CHST2: variants seen among roughly 807,000 people sequenced by gnomAD.
CHST2 encodes carbohydrate sulfotransferase 2.
A neutral mutation model predicts 34.6 loss-of-function variants in CHST2; 23 were observed. The observed-to-expected ratio is 0.67, with a 90% confidence interval of 0.48 to 0.94. The LOEUF is 0.94. Ranked by LOEUF, CHST2 falls within the 40% of genes least tolerant of loss-of-function variation. The probability of loss-of-function intolerance (pLI) is 0.00; values close to 1 mark genes in which losing one functional copy is unlikely to be tolerated. For missense variants in CHST2, 720 were observed against 759.5 expected, an observed-to-expected ratio of 0.95 and a Z score of 0.61; for synonymous variants, 392 against 343.1, an observed-to-expected ratio of 1.14 and a Z score of -1.58.
Position 143,120,371 on chromosome 3 carries a change from G to T in CHST2, c.-344G>T, listed in dbSNP as rs72551381. ...AGTTTTTCTTCCCGAGCCGCAGGGC[G>T]CCCGCTGCCCGGAAACTGCCCAGGG... On this transcript the variant is annotated 5_prime_UTR_variant, in exon 1 of 2. Transcript: ENST00000309575. The surrounding 1 kb of genome is among the most constrained non-coding windows in gnomAD (Gnocchi z 4.1). 903 of 153,502 alleles carry T rather than the reference G, an allele frequency of 5.9e-3. 8 individuals are homozygous for T. Among genetic ancestry groups the T allele is most frequent in the African/African-American group, 0.021 (870 of 41,642 alleles). The allele number at this position is 153,502 out of a possible 1,614,324, so 9.5% of individuals were successfully genotyped here. A position where few individuals can be genotyped will look rare whatever the true frequency, so the allele number is the denominator to read the frequency against.
rs1051738645 is a variant in CHST2 at position 143,122,442 on chromosome 3, T to C, written c.*33T>C. 3 of 1,515,958 alleles carry C rather than the reference T, an allele frequency of 2.0e-6. No homozygotes were observed. The highest frequency in any genetic ancestry group is 2.6e-6 in the Non-Finnish European group (3 of 1,134,238). 93.9% of individuals were successfully genotyped at this position (1,515,958 alleles called of 1,614,324 possible). A position where few individuals can be genotyped will look rare whatever the true frequency, so the allele number is the denominator to read the frequency against. On this transcript the variant is annotated 3_prime_UTR_variant, in exon 2 of 2. Coordinates refer to ENST00000309575, the MANE Select transcript of CHST2 (RefSeq NM_004267.5). ...TCCCAGGAGACCTGATTCCCTGTGG[T>C]GATACCTATAAAGAGGATCGTAGTG...
At position 143,120,898 on chromosome 3, in the gene CHST2, G is replaced by T. The variant is rs1382022806; in HGVS notation, c.82G>T (p.Ala28Ser). The change falls in exon 2 of 2, where the codon GCC (alanine) becomes TCC (serine). Residue 28 changes from alanine (A) to serine (S), a missense_variant. Physicochemically the swap from Ala to Ser is moderately conservative, Grantham distance 99 (BLOSUM62 1). Coordinates refer to ENST00000309575, the MANE Select transcript of CHST2 (RefSeq NM_004267.5). This position sits in a 1 kb window ranked among gnomAD's most constrained non-coding sequence, Gnocchi z 4.1. ...GGCTGCGCCTGCAGCCGCGCCGCGT[G>T]CCCTGCTCCCGCAGTGGCCCCGGCG... ...LQAAPAAAPR[A>S]LLPQWPRRPG... 3 of 1,496,252 alleles carry T rather than the reference G, an allele frequency of 2.0e-6. No homozygotes were observed. Among genetic ancestry groups the T allele is most frequent in the Admixed American group, 4.6e-5 (2 of 43,700 alleles). 92.7% of individuals were successfully genotyped at this position (1,496,252 alleles called of 1,614,324 possible).
chr3:143,121,968 C>G lies in CHST2; in HGVS notation c.1152C>G (p.Gly384=), dbSNP rs114086358. 1,938 of 1,587,156 alleles carry G rather than the reference C, an allele frequency of 1.2e-3. 29 individuals are homozygous for G. In the African/African-American group the frequency reaches 0.022, roughly 18 times the overall value. ...TTGGCGCCAAGAAGGAGGGCGTGGG[C>G]GGCCCCGCAGACTACCACGCTCTGG... The part of the protein sequence containing the change: ...HKLGAKKEGV[G]GPADYHALGA... The change falls in exon 2 of 2, where the codon GGC becomes GGG. Residue 384 remains glycine, a synonymous_variant. Transcript: ENST00000309575.
chr3:143,121,332 G>T lies in CHST2; in HGVS notation c.516G>T (p.Thr172=), dbSNP rs767812869. ...GGCAGCTGGTGTACGTGTTCACCAC[G>T]TGGCGCTCTGGCTCGTCGTTCTTCG... ...DKRQLVYVFT[T]WRSGSSFFGE... Residue 172 remains threonine, a synonymous_variant, in exon 2 of 2, where the codon ACG becomes ACT. Transcript: ENST00000309575. 6.2e-7 allele frequency: 1 copy of T among 1,613,518 alleles called. No individual in the cohort carries two copies. Among genetic ancestry groups the T allele is most frequent in the Non-Finnish European group, 8.5e-7 (1 of 1,180,000 alleles).
Position 143,122,068 on chromosome 3 carries a change from G to A in CHST2, c.1252G>A (p.Gly418Ser). The A allele has an allele frequency of 2.5e-6, 4 of 1,614,118 alleles. No homozygotes were observed. The highest frequency in any genetic ancestry group is 3.4e-6 in the Non-Finnish European group (4 of 1,180,008). ...CCTGCAGCCCCCTGACTGGCTGCAG[G>A]GCCACTACCTGGTGGTGCGGTACGA... ...TALQPPDWLQGHYLVVRYEDL... is the reference protein window; with the variant it reads ...TALQPPDWLQSHYLVVRYEDL... Residue 418 changes from glycine (G) to serine (S), a missense_variant, in exon 2 of 2, where the codon GGC becomes AGC. Around this residue, in one of 4 missense-constraint regions of CHST2, gnomAD observed 224 missense variants for 227.8 expected, o/e 0.98. Coordinates refer to ENST00000309575, the MANE Select transcript of CHST2 (RefSeq NM_004267.5).
chr3:143,120,667 G>A lies in CHST2; in HGVS notation c.-150G>A, dbSNP rs1432384310. 2 of 655,446 alleles carry A rather than the reference G, an allele frequency of 3.1e-6. No homozygotes were observed. Among genetic ancestry groups the A allele is most frequent in the Non-Finnish European group, 4.1e-6 (2 of 483,182 alleles). The allele number at this position is 655,446 out of a possible 1,614,324, so 40.6% of individuals were successfully genotyped here. ...AGGTCCTACCCGGAGCCGCTGCCAT[G>A]GGAGAGCCAGCCTTGGGCGCTGGGG... On this transcript the variant is annotated 5_prime_UTR_variant, in exon 2 of 2. The change abolishes an upstream ATG in the 5' untranslated region. Transcript: ENST00000309575. The surrounding 1 kb of genome is among the most constrained non-coding windows in gnomAD (Gnocchi z 4.1).
chr3:143,121,215 C>T lies in CHST2; in HGVS notation c.399C>T (p.Val133=), dbSNP rs768853251. 3.8e-6 allele frequency: 6 copies of T among 1,569,994 alleles called. No individual in the cohort carries two copies. The highest frequency in any genetic ancestry group is 5.2e-6 in the Non-Finnish European group (6 of 1,162,404). The change falls in exon 2 of 2, where the codon GTC becomes GTT. Residue 133 remains valine, a synonymous_variant. Transcript: ENST00000309575. ...RTPYRPPAAA[V]GAAPAAAAGM... The stretch of plus-strand genomic sequence containing the variant: ...CTTACCGCCCTCCCGCTGCCGCCGT[C>T]GGGGCGGCTCCTGCAGCCGCGGCAG...
At position 143,121,044 on chromosome 3, in the gene CHST2, C is replaced by CA; in HGVS notation, c.230dup (p.Trp78ValfsTer158). The CA allele has an allele frequency of 6.6e-7, 1 of 1,524,954 alleles. No homozygotes were observed. The highest frequency in any genetic ancestry group is 8.8e-7 in the Non-Finnish European group (1 of 1,137,310). The allele number at this position is 1,524,954 out of a possible 1,614,324, so 94.5% of individuals were successfully genotyped here. A position where few individuals can be genotyped will look rare whatever the true frequency, so the allele number is the denominator to read the frequency against. The stretch of plus-strand genomic sequence containing the variant: ...TCACTATGCTCAACCTCCTGGACTA[C>CA]AAGTGGCACAAGGAGCCGCTGCAGC... On this transcript the variant is annotated frameshift_variant, in exon 2 of 2. Transcript: ENST00000309575. LOFTEE classifies it high-confidence loss of function.
Position 143,119,835 on chromosome 3 carries a change from C to T in CHST2, c.-880C>T, listed in dbSNP as rs1372165218. 6.7e-6 allele frequency: 1 copy of T among 149,826 alleles called. No individual in the cohort carries two copies. Among genetic ancestry groups the T allele is most frequent in the Non-Finnish European group, 1.5e-5 (1 of 67,602 alleles). 9.3% of individuals were successfully genotyped at this position (149,826 alleles called of 1,614,324 possible). On this transcript the variant is annotated 5_prime_UTR_variant, in exon 1 of 2. Transcript: ENST00000309575. ...AGGGGAGTCGGGTAGCAGCATCCTC[C>T]TGGGCGCCGCTTTCGCGCGGCGGCG...
Position 143,122,445 on chromosome 3 carries a change from TACCTATAA to T in CHST2, c.*38_*45del. ...CAGGAGACCTGATTCCCTGTGGTGA[TACCTATAA>T]AGAGGATCGTAGTGTGTTTAAATAA... On this transcript the variant is annotated 3_prime_UTR_variant, in exon 2 of 2. Coordinates refer to ENST00000309575, the MANE Select transcript of CHST2 (RefSeq NM_004267.5). The T allele has an allele frequency of 6.6e-7, 1 of 1,510,560 alleles. No individual in the cohort carries two copies. The highest frequency in any genetic ancestry group is 1.3e-5 in the South Asian group (1 of 75,436). 93.6% of individuals were successfully genotyped at this position (1,510,560 alleles called of 1,614,324 possible).
In CHST2 at chr3:143,120,855, G is replaced by C; in HGVS notation, c.39G>C (p.Ala13=). 4 of 1,346,616 alleles carry C rather than the reference G, an allele frequency of 3.0e-6. No homozygotes were observed. Among genetic ancestry groups the C allele is most frequent in the Non-Finnish European group, 2.8e-6 (3 of 1,057,082 alleles). The allele number at this position is 1,346,616 out of a possible 1,614,324, so 83.4% of individuals were successfully genotyped here. ...CGCAGCGAGCTCTGCCCCCGGGCGC[G>C]CTCCCTCGGCTGCTCCAGGCTGCGC... ...RSPQRALPPG[A]LPRLLQAAPA... Residue 13 remains alanine (A), a synonymous_variant, in exon 2 of 2, where the codon GCG becomes GCC. Transcript: ENST00000309575. This position sits in a 1 kb window ranked among gnomAD's most constrained non-coding sequence, Gnocchi z 4.1.
In CHST2 at chr3:143,122,261, C is replaced by G. The variant is rs1219204477; in HGVS notation, c.1445C>G (p.Ala482Gly). The G allele has an allele frequency of 6.2e-7, 1 of 1,614,032 alleles. No individual in the cohort carries two copies. Residue 482 changes from alanine to glycine, a missense_variant, in exon 2 of 2, where the codon GCC becomes GGC. Around this residue, in one of 4 missense-constraint regions of CHST2, gnomAD observed 224 missense variants for 227.8 expected, o/e 0.98. Coordinates refer to ENST00000309575, the MANE Select transcript of CHST2 (RefSeq NM_004267.5). ...SARNATQAANAWRTALTFQQI... is the reference protein window; with the variant it reads ...SARNATQAANGWRTALTFQQI... ...CGCAATGCCACGCAGGCCGCCAATG[C>G]CTGGCGGACCGCCCTCACCTTCCAG...
chr3:143,122,244 C>G lies in CHST2; in HGVS notation c.1428C>G (p.Ala476=). 1 of 1,614,140 alleles carries G rather than the reference C, an allele frequency of 6.2e-7. No individual in the cohort carries two copies. Among genetic ancestry groups the G allele is most frequent in the South Asian group, 1.1e-5 (1 of 91,088 alleles). The change falls in exon 2 of 2, where the codon GCC becomes GCG. Residue 476 remains alanine (A), a synonymous_variant. Coordinates refer to ENST00000309575, the MANE Select transcript of CHST2 (RefSeq NM_004267.5). ...CTTTCGTGGTATCTGCACGCAATGC[C>G]ACGCAGGCCGCCAATGCCTGGCGGA... is the stretch of plus-strand genomic sequence containing the variant. ...SKPFVVSARN[A]TQAANAWRTA...
In CHST2 at chr3:143,122,272, G is replaced by A. The variant is rs1936237150; in HGVS notation, c.1456G>A (p.Ala486Thr). The A allele has an allele frequency of 6.2e-7, 1 of 1,613,944 alleles. No homozygotes were observed. Among genetic ancestry groups the A allele is most frequent in the East Asian group, 2.2e-5 (1 of 44,888 alleles). ...ATQAANAWRT[A>T]LTFQQIKQVE... ...GCAGGCCGCCAATGCCTGGCGGACC[G>A]CCCTCACCTTCCAGCAGATCAAACA... The change falls in exon 2 of 2, where the codon GCC (alanine) becomes ACC (threonine). Residue 486 changes from alanine to threonine, a missense_variant. This residue lies in a region of CHST2 where 224 missense variants were observed against 227.8 expected (regional missense o/e 0.98). Coordinates refer to ENST00000309575, the MANE Select transcript of CHST2 (RefSeq NM_004267.5).
In CHST2 at chr3:143,121,884, G is replaced by T; in HGVS notation, c.1068G>T (p.Val356=). The T allele has an allele frequency of 6.3e-7, 1 of 1,578,118 alleles. No individual in the cohort carries two copies. The highest frequency in any genetic ancestry group is 1.2e-5 in the South Asian group (1 of 86,660). ...HGLIRESLQV[V]RSRDPRAHRM... is the part of the protein sequence containing the mutation. ...TCATCCGTGAGAGCCTACAGGTGGT[G>T]CGCAGCCGAGACCCGCGAGCTCACC... The change falls in exon 2 of 2, where the codon GTG becomes GTT. Residue 356 remains valine (V), a synonymous_variant. Transcript: ENST00000309575.
At position 143,120,424 on chromosome 3, in the gene CHST2, C is replaced by G. The variant is rs1317831450; in HGVS notation, c.-291C>G. On this transcript the variant is annotated 5_prime_UTR_variant, in exon 1 of 2. Transcript: ENST00000309575. This position sits in a 1 kb window ranked among gnomAD's most constrained non-coding sequence, Gnocchi z 4.1. ...AAGTCGGCCGACTCCCCAGACCCCT[C>G]GAAGGTGCGGGGACCCCCAGCGGAA... 1 of 158,578 alleles carries G rather than the reference C, an allele frequency of 6.3e-6. No homozygotes were observed. Among genetic ancestry groups the G allele is most frequent in the East Asian group, 1.8e-4 (1 of 5,494 alleles). The allele number at this position is 158,578 out of a possible 1,614,324, so 9.8% of individuals were successfully genotyped here.
In CHST2 at chr3:143,120,933, C is replaced by T. The variant is rs1936202181; in HGVS notation, c.117C>T (p.Arg39=). The T allele has an allele frequency of 6.5e-7, 1 of 1,527,944 alleles. No homozygotes were observed. 94.6% of individuals were successfully genotyped at this position (1,527,944 alleles called of 1,614,324 possible). The part of the protein sequence containing the change: ...LLPQWPRRPG[R]RWPASPLGMK... ...CGCAGTGGCCCCGGCGCCCAGGACGCCGCTGGCCCGCGTCCCCTCTCGGAA... is the reference window on the plus strand; with the variant it reads ...CGCAGTGGCCCCGGCGCCCAGGACGTCGCTGGCCCGCGTCCCCTCTCGGAA... Residue 39 remains arginine, a synonymous_variant, in exon 2 of 2, where the codon CGC becomes CGT. Coordinates refer to ENST00000309575, the MANE Select transcript of CHST2 (RefSeq NM_004267.5). The surrounding 1 kb of genome is among the most constrained non-coding windows in gnomAD (Gnocchi z 4.1).
Position 143,120,855 on chromosome 3 carries a change from G to T in CHST2, c.39G>T (p.Ala13=). The T allele has an allele frequency of 7.4e-7, 1 of 1,346,616 alleles. No homozygotes were observed. The highest frequency in any genetic ancestry group is 2.0e-5 in the South Asian group (1 of 48,984). 83.4% of individuals were successfully genotyped at this position (1,346,616 alleles called of 1,614,324 possible). ...RSPQRALPPG[A]LPRLLQAAPA... Reference sequence around the variant, plus strand: ...CGCAGCGAGCTCTGCCCCCGGGCGCGCTCCCTCGGCTGCTCCAGGCTGCGC... The same window carrying T: ...CGCAGCGAGCTCTGCCCCCGGGCGCTCTCCCTCGGCTGCTCCAGGCTGCGC... The change falls in exon 2 of 2, where the codon GCG becomes GCT. Residue 13 remains alanine (A), a synonymous_variant. Coordinates refer to ENST00000309575, the MANE Select transcript of CHST2 (RefSeq NM_004267.5). The surrounding 1 kb of genome is among the most constrained non-coding windows in gnomAD (Gnocchi z 4.1).
Position 143,122,023 on chromosome 3 carries a change from G to T in CHST2, c.1207G>T (p.Ala403Ser). The T allele has an allele frequency of 6.2e-7, 1 of 1,612,836 alleles. No homozygotes were observed. Among genetic ancestry groups the T allele is most frequent in the Non-Finnish European group, 8.5e-7 (1 of 1,179,628 alleles). Reference sequence around the variant, plus strand: ...TATGGAGGTCATCTGCAATAGTATGGCTAAGACGCTGCAGACAGCCCTGCA... The same window carrying T: ...TATGGAGGTCATCTGCAATAGTATGTCTAAGACGCTGCAGACAGCCCTGCA... ...GAMEVICNSMAKTLQTALQPP... is the reference protein window; with the variant it reads ...GAMEVICNSMSKTLQTALQPP... The change falls in exon 2 of 2, where the codon GCT (alanine) becomes TCT (serine). Residue 403 changes from alanine (A) to serine (S), a missense_variant. This residue lies in a region of CHST2 where 224 missense variants were observed against 227.8 expected (regional missense o/e 0.98). Coordinates refer to ENST00000309575, the MANE Select transcript of CHST2 (RefSeq NM_004267.5).
Sources: allele counts gnomAD v4.1 joint callset, GRCh38; gene constraint gnomAD v4.1.1; regional missense constraint gnomAD v4.1.1; non-coding constraint Gnocchi (gnomAD v3.1); transcripts MANE v1.5; gene names NCBI Gene and HGNC (gene_info 2026-07-23, HGNC 2026-07-21).